The following GMPS variants were observed in gnomAD, a reference collection of about 807,000 sequenced individuals.
GMPS encodes the protein guanosine monophosphate synthase.
GMPS carries 15 observed loss-of-function variants against 77.9 expected under a neutral mutation model. The observed-to-expected ratio is 0.19, with a 90% CI of 0.13 to 0.30. The LOEUF is 0.30. Among genes scored for constraint, GMPS ranks in the 10% least tolerant of loss-of-function variants. GMPS has a pLI of 1.00. For missense variants in GMPS, 590 were observed against 838.8 expected (o/e 0.70, Z 3.66); for synonymous variants, 224 against 275.9 (o/e 0.81, Z 1.86).
intron 1 of GMPS, among the ~76,000 whole-genome samples, chr3:155,879,789 G>A (rs1474725978): frequency 2.2e-5 from 3 of 135,730 alleles, no homozygotes; most frequent in Non-Finnish European, 4.6e-5. Context: ...GGAGTGCAGT[G>A]GTGTGATCTC....
At chr3:155,879,429 G>A (rs779349258) in intron 1 of GMPS, among the ~76,000 whole-genome samples, 1 of 151,426 alleles carries the variant, frequency 6.6e-6, no homozygotes, top group Non-Finnish European at 1.5e-5. Context: ...CACCACACTG[G>A]CTAATTTTTG....
At chr3:155,879,969 CTA>C (rs1754173569) in intron 1 of GMPS, among the ~76,000 whole-genome samples, 1 of 148,126 alleles carries the variant, frequency 6.8e-6, no homozygotes, top group African/African-American at 2.5e-5. Context: ...TTTTTTAAGT[CTA>C]GAGATGTTTC....
intron 13 of GMPS, 93 bp downstream of exon 13, chr3:155,931,973 T>C (rs1755635028): frequency 1.4e-5 from 9 of 660,728 alleles, no homozygotes; most frequent in Admixed American, 6.6e-5. Context: ...AAGGCTCAAA[T>C]GTAGATATAG....
At chr3:155,906,470 G>T (rs760426238) in intron 5 of GMPS, among the ~76,000 whole-genome samples, 8 of 151,982 alleles carry the variant, frequency 5.3e-5, no homozygotes, top group Non-Finnish European at 1.0e-4. Flanking sequence ...TCACTTACTG[G>T]TTTACTGGTT....
chr3:155,884,531 T>C lies in GMPS; in HGVS notation c.28-8987T>C, dbSNP rs150662521. 4.9e-3 allele frequency among the ~76,000 whole-genome samples: 740 copies of C among 152,314 alleles called. 12 individuals are homozygous for C. Among genetic ancestry groups the C allele is most frequent in the African/African-American group, 0.017 (688 of 41,572 alleles). On this transcript the variant is annotated intron_variant, in intron 1 of 15. Coordinates refer to ENST00000496455, the MANE Select transcript of GMPS (RefSeq NM_003875.3). The stretch of plus-strand genomic sequence containing the variant: ...ACAAAATAGTATTGCCTTAACTTTC[T>C]GGAAAGACAAGTCTTAGGATAATTG...
rs1409080825 is a variant in GMPS at position 155,910,719 on chromosome 3, A to T, written c.554A>T (p.Tyr185Phe). 1.3e-6 allele frequency: 2 copies of T among 1,589,990 alleles called. No individual in the cohort carries two copies. The highest frequency in any genetic ancestry group is 2.3e-5 in the South Asian group (2 of 86,704). ...AGIANESKKL[Y>F]GAQFHPEVGL... ...ATAGCAAATGAATCTAAAAAGTTATATGGAGCACAGTTCCACCCTGAAGTT... is the reference window on the plus strand; with the variant it reads ...ATAGCAAATGAATCTAAAAAGTTATTTGGAGCACAGTTCCACCCTGAAGTT... Residue 185 changes from tyrosine to phenylalanine, a missense_variant, in exon 6 of 16, where the codon TAT becomes TTT. Transcript: ENST00000496455.
At chr3:155,906,434 T>C (rs1754884300) in intron 5 of GMPS, among the ~76,000 whole-genome samples, 171 bp downstream of exon 5, 1 of 152,194 alleles carries the variant, frequency 6.6e-6, no homozygotes, top group Non-Finnish European at 1.5e-5. Context: ...GGGAATTTAA[T>C]AATAGGAGGA....
rs10548751 is a variant in GMPS, at chr3:155,932,277, A to AACACACAC, written c.1676+428_1676+435dup. Reference sequence around the variant, plus strand: ...CAGGTTACAGAATTACAAATAAAGTAACACACACACACACACACACACACA... The same window carrying AACACACAC: ...CAGGTTACAGAATTACAAATAAAGTAACACACACACACACACACACACACACACACACA... On this transcript the variant is annotated intron_variant, in intron 13 of 15. Coordinates refer to ENST00000496455, the MANE Select transcript of GMPS (RefSeq NM_003875.3). Among the ~76,000 whole-genome samples the AACACACAC allele has an allele frequency of 1.3e-3, 187 of 141,238 alleles. 3 individuals are homozygous for AACACACAC. In the Middle Eastern group the frequency reaches 0.036, roughly 27 times the overall value. The allele number at this position is 141,238 out of a possible 152,430, so 92.7% of individuals were successfully genotyped here. A position where few individuals can be genotyped will look rare whatever the true frequency, so the allele number is the denominator to read the frequency against.
chr3:155,874,901 C>CTTTGTTTTT (rs1754003325), intron 1 of GMPS, among the ~76,000 whole-genome samples: 1 of 71,408 alleles, frequency 1.4e-5, no homozygotes, highest in African/African-American at 5.5e-5. Flanking sequence ...ACTTTGTTTT[C>CTTTGTTTTT]TTTTTTTTTT....
intron 12 of GMPS, among the ~76,000 whole-genome samples, chr3:155,930,760 G>A (rs1337804185): frequency 6.6e-6 from 1 of 152,170 alleles, no homozygotes; most frequent in Admixed American, 6.5e-5. Flanking sequence ...TCCCACTTAA[G>A]AATTCTTTAT....
chr3:155,928,262 GGCAA>G (rs1426891343), intron 12 of GMPS, among the ~76,000 whole-genome samples: 6 of 135,898 alleles, frequency 4.4e-5, no homozygotes, highest in East Asian at 2.9e-4. Context: ...CCTGAGCTCA[GGCAA>G]TCCACCCGCC....
At chr3:155,886,611 C>CTT (rs58367815) in intron 1 of GMPS, among the ~76,000 whole-genome samples, 923 of 78,044 alleles carry the variant, frequency 0.012, 68 homozygotes, top group African/African-American at 0.032. Context: ...TTCCTGATGA[C>CTT]TTTTTTTTTT....
In GMPS at chr3:155,870,877, C is replaced by T. The variant is rs746087273; in HGVS notation, c.7C>T (p.Leu3=). 2.3e-5 allele frequency: 34 copies of T among 1,509,470 alleles called. No individual in the cohort carries two copies. The highest frequency in any genetic ancestry group is 2.8e-5 in the Non-Finnish European group (32 of 1,132,648). The allele number at this position is 1,509,470 out of a possible 1,614,324, so 93.5% of individuals were successfully genotyped here. The change falls in exon 1 of 16, where the codon CTG becomes TTG. Residue 3 remains leucine, a synonymous_variant. Transcript: ENST00000496455. MA[L]CNGDSKLENA... ...GGCTCCGGCCCTGGCCCCGATGGCT[C>T]TGTGCAACGGAGACTCCAAGGTCAG...
At chr3:155,878,461 A>G (rs1209422267) in intron 1 of GMPS, among the ~76,000 whole-genome samples, 1 of 152,148 alleles carries the variant, frequency 6.6e-6, no homozygotes, top group Non-Finnish European at 1.5e-5. Flanking sequence ...TGCCATGGAC[A>G]TTTCTGTATA....
chr3:155,937,068 G>A lies in GMPS; in HGVS notation c.1981-523G>A, dbSNP rs550566357. On this transcript the variant is annotated intron_variant, in intron 15 of 15. Coordinates refer to ENST00000496455, the MANE Select transcript of GMPS (RefSeq NM_003875.3). ...GATAGCTAGGTAGATGGGTTGGTTC[G>A]GAACGTGGCTTAGAGTCATTTTTCT... Among the ~76,000 whole-genome samples, 4 of 152,288 alleles carry A rather than the reference G, an allele frequency of 2.6e-5. No individual in the cohort carries two copies. The South Asian group carries it at 6.2e-4, about 24-fold the overall frequency.
intron 1 of GMPS, among the ~76,000 whole-genome samples, chr3:155,885,076 C>T (rs926071536): frequency 6.6e-6 from 1 of 152,174 alleles, no homozygotes; most frequent in African/African-American, 2.4e-5. Context: ...GAATTTGAAA[C>T]AATATACGTA....
rs61750370 is a variant in GMPS at position 155,931,787 on chromosome 3, A to C, written c.1583A>C (p.Tyr528Ser). The C allele has an allele frequency of 9.3e-3, 14,363 of 1,545,172 alleles. 125 individuals are homozygous for C. The highest frequency in any genetic ancestry group is 0.011 in the Non-Finnish European group (11,903 of 1,118,562). ...GVQGDCRSYS[Y>S]VCGISSKDEP... ...CAGGGTGACTGTCGTTCCTACAGTT[A>C]CGTGTGTGGAATCTCCAGTAAAGAT... Residue 528 changes from tyrosine to serine, a missense_variant, in exon 13 of 16, where the codon TAC becomes TCC. By Grantham distance (144) the Tyr-to-Ser change is moderately radical. This residue lies in a region of GMPS where 89 missense variants were observed against 95.9 expected (regional missense o/e 0.93). Coordinates refer to ENST00000496455, the MANE Select transcript of GMPS (RefSeq NM_003875.3).
At position 155,881,879 on chromosome 3, in the gene GMPS, A is replaced by G. The variant is rs561578298; in HGVS notation, c.27+10982A>G. Among the ~76,000 whole-genome samples the G allele has an allele frequency of 3.9e-4, 60 of 152,180 alleles. 1 individual carries two copies. Among genetic ancestry groups the G allele is most frequent in the Non-Finnish European group, 8.1e-4 (55 of 68,034 alleles). On this transcript the variant is annotated intron_variant, in intron 1 of 15. Transcript: ENST00000496455. ...TCAGGAGTTTAGAACAGCCTGGGCA[A>G]CATGAGGAAATCCTGTCTCTACTAA...
chr3:155,878,966 G>A (rs1754133654), intron 1 of GMPS, among the ~76,000 whole-genome samples: 1 of 152,128 alleles, frequency 6.6e-6, no homozygotes, highest in Non-Finnish European at 1.5e-5. Context: ...GCCATATCCT[G>A]AAATTCTTAT....
Sources: gnomAD v4.1 joint callset for allele counts (sites outside exome capture counted in the v4.1 genomes callset) on GRCh38, gnomAD v4.1.1 for gene constraint, gnomAD v4.1.1 regional missense constraint, MANE v1.5 for transcripts, NCBI Gene and HGNC (gene_info 2026-07-23, HGNC 2026-07-21) for gene names.